TNKS2: variants seen among roughly 807,000 people sequenced by gnomAD.
TNKS2 encodes the protein tankyrase 2, also known as poly [ADP-ribose] polymerase tankyrase-2.
In TNKS2, 72 loss-of-function variants were observed where a neutral mutation model predicts 137.6. That is an observed-to-expected ratio of 0.52 (90% confidence interval 0.43 to 0.64). The LOEUF (loss-of-function observed/expected upper bound fraction) is 0.64. Among genes scored for constraint, TNKS2 ranks in the 30% least tolerant of loss-of-function variants. TNKS2 has a pLI of 0.00. For synonymous variants in TNKS2, 516 were observed against 512.1 expected (o/e 1.01, Z -0.10); for missense variants, 1,049 against 1,410.2 (o/e 0.74, Z 4.10).
intron 2 of TNKS2, among the ~76,000 whole-genome samples, chr10:91,816,151 T>C (rs546954832): frequency 6.6e-5 from 10 of 152,004 alleles, no homozygotes; most frequent in Non-Finnish European, 1.0e-4. Context: ...GGTTTCACCA[T>C]GTTAGCCAGG....
chr10:91,813,916 T>C (rs1209948987), intron 2 of TNKS2, among the ~76,000 whole-genome samples: 2 of 152,170 alleles, frequency 1.3e-5, no homozygotes, highest in Admixed American at 6.5e-5. Context: ...CTGCCAGTCA[T>C]ATAAACGTAT....
In TNKS2 at chr10:91,819,310, C is replaced by G. The variant is rs200541975; in HGVS notation, c.557+4C>G. 1.4e-6 allele frequency: 2 copies of G among 1,450,446 alleles called. No individual in the cohort carries two copies. Among genetic ancestry groups the G allele is most frequent in the Non-Finnish European group, 1.8e-6 (2 of 1,093,048 alleles). 89.8% of individuals were successfully genotyped at this position (1,450,446 alleles called of 1,614,324 possible). ...ATGAACTCTTAGAAAGTGCCAGGTA[C>G]GTACTAATGTTATAAATATGTGACA... On this transcript the variant is annotated splice_donor_region_variant and intron_variant, in intron 4 of 26. Coordinates refer to ENST00000371627, the MANE Select transcript of TNKS2 (RefSeq NM_025235.4).
chr10:91,833,643 A>G (rs1375962153), intron 11 of TNKS2, among the ~76,000 whole-genome samples: 2 of 152,202 alleles, frequency 1.3e-5, no homozygotes, highest in Non-Finnish European at 2.9e-5. Context: ...TCTCGCATTT[A>G]ACCCAAAATT....
rs1345256598 is a variant in TNKS2, at chr10:91,837,069, T to TA, written c.1527+72dup. The TA allele has an allele frequency of 2.9e-5, 42 of 1,465,786 alleles. No individual in the cohort carries two copies. In the Admixed American group the frequency reaches 8.6e-4, roughly 30 times the overall value. 90.8% of individuals were successfully genotyped at this position (1,465,786 alleles called of 1,614,324 possible). ...GACATTGTTATTTAATCTGTACTGT[T>TA]ACAATGAAGAGCCTGGTTTATTTGT... is the stretch of plus-strand genomic sequence containing the variant. On this transcript the variant is annotated intron_variant, in intron 13 of 26. Transcript: ENST00000371627.
intron 6 of TNKS2, among the ~76,000 whole-genome samples, chr10:91,821,385 G>A (rs139120086): frequency 2.0e-5 from 3 of 152,062 alleles, no homozygotes; most frequent in Admixed American, 6.6e-5. Context: ...GCATCTAGTA[G>A]GTAGTTAGGA....
At chr10:91,831,227 T>G in intron 11 of TNKS2, 46 bp downstream of exon 11, 1 of 1,546,346 alleles carries the variant, frequency 6.5e-7, no homozygotes, top group Non-Finnish European at 8.9e-7. Context: ...TGAGTTATTT[T>G]TTATTTAGCA....
chr10:91,804,708 T>C (rs1844270597), intron 1 of TNKS2, among the ~76,000 whole-genome samples: 1 of 152,172 alleles, frequency 6.6e-6, no homozygotes, highest in Non-Finnish European at 1.5e-5. Context: ...ACCATAACAA[T>C]AGAGATTTTA....
chr10:91,836,546 A>G, intron 12 of TNKS2: 1 of 785,800 alleles, frequency 1.3e-6, no homozygotes, highest in Non-Finnish European at 1.5e-6. Flanking sequence ...CAGATAGCTA[A>G]TTAATGACAG....
intron 23 of TNKS2, 64 bp from the exon 24 acceptor site, chr10:91,857,361 G>A: frequency 1.7e-6 from 2 of 1,146,746 alleles, no homozygotes; most frequent in Non-Finnish European, 1.3e-6. Flanking sequence ...CCCATGTTTG[G>A]TTTAGATGAA....
At chr10:91,823,333 T>G (rs1236689028) in intron 7 of TNKS2, among the ~76,000 whole-genome samples, 5 of 132,604 alleles carry the variant, frequency 3.8e-5, no homozygotes, top group East Asian at 4.5e-4. Context: ...TTTTTTTTTT[T>G]TTTTTTTTTT....
Position 91,861,989 on chromosome 10 carries a change from C to T in TNKS2, c.3282-10C>T, listed in dbSNP as rs202079885. ...GACTTCAGGGTGATCTTTTCCTTTT[C>T]GTTTTATAGGCAGCTGCTCTTTTGC... On this transcript the variant is annotated splice_polypyrimidine_tract_variant and intron_variant, in intron 25 of 26. Coordinates refer to ENST00000371627, the MANE Select transcript of TNKS2 (RefSeq NM_025235.4). The T allele has an allele frequency of 1.5e-4, 238 of 1,597,210 alleles. 1 individual carries two copies. The African/African-American group carries it at 2.9e-3, about 19-fold the overall frequency.
intron 1 of TNKS2, among the ~76,000 whole-genome samples, chr10:91,810,407 C>A (rs1340256347): frequency 7.0e-6 from 1 of 143,040 alleles, no homozygotes; most frequent in Admixed American, 6.9e-5. Context: ...ACAAAAAAAA[C>A]CCTGCTATCT....
intron 16 of TNKS2, among the ~76,000 whole-genome samples, chr10:91,844,598 A>G (rs1276743051): frequency 6.6e-6 from 1 of 152,210 alleles, no homozygotes; most frequent in Non-Finnish European, 1.5e-5. Context: ...TTTGGTAGGA[A>G]GGTTTTCATA....
intron 1 of TNKS2, among the ~76,000 whole-genome samples, chr10:91,804,857 A>G (rs1163487944): frequency 6.6e-6 from 1 of 152,128 alleles, no homozygotes; most frequent in African/African-American, 2.4e-5. Flanking sequence ...CCCAGGTTCA[A>G]GCAATTCTCC....
At position 91,865,353 on chromosome 10, in the gene TNKS2, A is replaced by G. The variant is rs533270498; in HGVS notation, c.*2354A>G. On this transcript the variant is annotated 3_prime_UTR_variant, in exon 27 of 27. Transcript: ENST00000371627. ...TTTGAGAAAATGAATTAAGATTACA[A>G]TAAACCACAATTGCAGGAAAACAAT... 4 of 152,752 alleles carry G rather than the reference A, an allele frequency of 2.6e-5. No homozygotes were observed. The highest frequency in any genetic ancestry group is 1.9e-4 in the East Asian group (1 of 5,190). 9.5% of individuals were successfully genotyped at this position (152,752 alleles called of 1,614,324 possible).
chr10:91,842,233 A>T lies in TNKS2; in HGVS notation c.1901A>T (p.Asp634Val), dbSNP rs778548203. 1.8e-5 allele frequency: 29 copies of T among 1,613,872 alleles called. No individual in the cohort carries two copies. The highest frequency in any genetic ancestry group is 2.5e-5 in the Non-Finnish European group (29 of 1,179,972). Residue 634 changes from aspartate (D) to valine (V), a missense_variant, in exon 16 of 27, where the codon GAT (aspartate) becomes GTT (valine). By Grantham distance (152) the Asp-to-Val change is radical (BLOSUM62 -3). This residue lies in a region of TNKS2 where 328 missense variants were observed against 436.0 expected (regional missense o/e 0.75). Transcript: ENST00000371627. ...DGNTPLDLVK[D>V]GDTDIQDLLR... ...AATACTCCTTTGGATCTTGTTAAAG[A>T]TGGAGATACAGATATTCAAGATCTG...
chr10:91,805,829 C>T (rs1844307827), intron 1 of TNKS2, among the ~76,000 whole-genome samples: 1 of 152,056 alleles, frequency 6.6e-6, no homozygotes, highest in African/African-American at 2.4e-5. Flanking sequence ...AAGCCTTTTT[C>T]TAAAAGCACT....
In TNKS2 at chr10:91,817,697, C is replaced by T. The variant is rs1449863721; in HGVS notation, c.520+468C>T. ...TGCTTTCAAAAAACACTGGCCATTC[C>T]GTTAACTTTTCAGAAGAGGATTCTA... On this transcript the variant is annotated intron_variant, in intron 3 of 26. Transcript: ENST00000371627. Among the ~76,000 whole-genome samples, 3 of 152,006 alleles carry T rather than the reference C, an allele frequency of 2.0e-5. No homozygotes were observed. In the South Asian group the frequency reaches 6.2e-4, roughly 32 times the overall value.
At position 91,864,417 on chromosome 10, in the gene TNKS2, C is replaced by T. The variant is rs1842928581; in HGVS notation, c.*1418C>T. On this transcript the variant is annotated 3_prime_UTR_variant, in exon 27 of 27. Transcript: ENST00000371627. ...CTTGGCAATCTCTTTTATTTGTTGA[C>T]TCTAGCTCCCTTCAAAGTCGAGGAA... 6.6e-6 allele frequency: 1 copy of T among 152,518 alleles called. No individual in the cohort carries two copies. Among genetic ancestry groups the T allele is most frequent in the Admixed American group, 6.5e-5 (1 of 15,274 alleles). The allele number at this position is 152,518 out of a possible 1,614,324, so 9.4% of individuals were successfully genotyped here.
Sources: allele counts gnomAD v4.1 joint callset (sites outside exome capture counted in the v4.1 genomes callset), GRCh38; gene constraint gnomAD v4.1.1; regional missense constraint gnomAD v4.1.1; transcripts MANE v1.5; gene names NCBI Gene and HGNC (gene_info 2026-07-23, HGNC 2026-07-21).